The following FZR1 variants were observed in gnomAD, a reference collection of about 807,000 sequenced individuals.
The protein encoded by FZR1 is fizzy-related protein homolog.
FZR1 carries 11 observed loss-of-function variants against 63.6 expected under a neutral mutation model. The ratio of observed to expected loss-of-function variants is 0.17; its 90% CI spans 0.11 to 0.29. The LOEUF is 0.29. Among genes scored for constraint, FZR1 ranks in the 10% least tolerant of loss-of-function variants. The pLI is 1.00. For synonymous variants in FZR1, 328 were observed against 297.9 expected (o/e 1.10, Z -1.04); for missense variants, 440 against 687.5 (o/e 0.64, Z 4.03).
intron 1 of FZR1, among the ~76,000 whole-genome samples, chr19:3,509,652 C>A (rs1425073671): frequency 6.6e-6 from 1 of 152,222 alleles, no homozygotes; most frequent in Non-Finnish European, 1.5e-5. Context: ...GTCTCCCCTG[C>A]CTCTGTGGCT....
rs1405651533 is a variant in FZR1, at chr19:3,537,722, G to A, written c.*2886G>A. ...GCTCTTGCGCGGTGCCTGAGAAGAG[G>A]GTGAAGGAGCTGGGGCAGGCCCCAT... On this transcript the variant is annotated 3_prime_UTR_variant, in exon 14 of 14. Coordinates refer to ENST00000441788, the MANE Select transcript of FZR1 (RefSeq NM_016263.4). 1.3e-5 allele frequency: 2 copies of A among 152,874 alleles called. No individual in the cohort carries two copies. Among genetic ancestry groups the A allele is most frequent in the East Asian group, 1.9e-4 (1 of 5,176 alleles). 9.5% of individuals were successfully genotyped at this position (152,874 alleles called of 1,614,324 possible).
In FZR1 at chr19:3,516,427, G is replaced by A. The variant is rs1362112803; in HGVS notation, c.-34-6529G>A. On this transcript the variant is annotated intron_variant, in intron 1 of 13. Coordinates refer to ENST00000441788, the MANE Select transcript of FZR1 (RefSeq NM_016263.4). The surrounding 1 kb of genome is among the most constrained non-coding windows in gnomAD (Gnocchi z 6.0). ...TGTGTTGGTGGTGTGTCTGCCCTGC[G>A]GACTCCCAATTTTCCCGGTGTTGAA... 6.6e-6 allele frequency among the ~76,000 whole-genome samples: 1 copy of A among 152,178 alleles called. No individual in the cohort carries two copies. Among genetic ancestry groups the A allele is most frequent in the Non-Finnish European group, 1.5e-5 (1 of 68,046 alleles).
Position 3,528,780 on chromosome 19 carries a change from T to A in FZR1, c.654+966T>A, listed in dbSNP as rs113136719. 8.0e-5 allele frequency among the ~76,000 whole-genome samples: 8 copies of A among 99,672 alleles called. 1 individual carries two copies. The highest frequency in any genetic ancestry group is 2.4e-4 in the African/African-American group (5 of 20,588). The allele number at this position is 99,672 out of a possible 152,430, so 65.4% of individuals were successfully genotyped here. A position where few individuals can be genotyped will look rare whatever the true frequency, so the allele number is the denominator to read the frequency against. On this transcript the variant is annotated intron_variant, in intron 7 of 13. Transcript: ENST00000441788. ...GTGTGTGGATGGGTGCGTGGATGGG[T>A]GCGTGGATGGGAGAGTGGATGGGTA...
chr19:3,531,634 C>A, intron 8 of FZR1, 80 bp from the exon 9 acceptor site: 1 of 962,798 alleles, frequency 1.0e-6, no homozygotes, highest in Non-Finnish European at 1.6e-6. Flanking sequence ...AGGAGAGAGC[C>A]TGGCGCGACC....
In FZR1 at chr19:3,525,432, CTTTTTT is replaced by C. The variant is rs57486013; in HGVS notation, c.70-413_70-408del. On this transcript the variant is annotated intron_variant, in intron 2 of 13. Transcript: ENST00000441788. This position sits in a 1 kb window ranked among gnomAD's most constrained non-coding sequence, Gnocchi z 4.2. ...TGTGTGGCTCCCCTCCTTGGGTTTT[CTTTTTT>C]TTTTTTTTTTTTTTTTTTTTTTGAG... 2.6e-4 allele frequency among the ~76,000 whole-genome samples: 18 copies of C among 68,742 alleles called. No individual in the cohort carries two copies. Among genetic ancestry groups the C allele is most frequent in the East Asian group, 1.9e-3 (4 of 2,158 alleles). 45.1% of individuals were successfully genotyped at this position (68,742 alleles called of 152,430 possible).
At chr19:3,527,545 T>TGGCAGGGAA in intron 6 of FZR1, 86 bp from the exon 7 acceptor site, 1 of 1,080,514 alleles carries the variant, frequency 9.3e-7, no homozygotes, top group Non-Finnish European at 1.3e-6. Flanking sequence ...CTCCTGGGGC[T>TGGCAGGGAA]GGCAGGGAAG....
chr19:3,514,047 G>C lies in FZR1; in HGVS notation c.-35+7573G>C, dbSNP rs114106794. On this transcript the variant is annotated intron_variant, in intron 1 of 13. Transcript: ENST00000441788. This position sits in a 1 kb window ranked among gnomAD's most constrained non-coding sequence, Gnocchi z 4.2. ...CTTGGCTGAGCCTCCAGGAACCAGA[G>C]TGCTGTGTTCCTGAGGAAGATCCCG... Among the ~76,000 whole-genome samples, 13 of 152,206 alleles carry C rather than the reference G, an allele frequency of 8.5e-5. No homozygotes were observed. Among genetic ancestry groups the C allele is most frequent in the Non-Finnish European group, 1.6e-4 (11 of 68,028 alleles).
At position 3,525,701 on chromosome 19, in the gene FZR1, C is replaced by CA. The variant is rs940031162; in HGVS notation, c.70-164dup. Among the ~76,000 whole-genome samples, 3 of 152,268 alleles carry CA rather than the reference C, an allele frequency of 2.0e-5. No homozygotes were observed. The highest frequency in any genetic ancestry group is 6.5e-5 in the Admixed American group (1 of 15,304). ...TCGTGATCCGCCCGCCTCGGCCTCCCAAAGTGCTGGGATTACGGGCGTGAG... is the reference window on the plus strand; with the variant it reads ...TCGTGATCCGCCCGCCTCGGCCTCCCAAAAGTGCTGGGATTACGGGCGTGAG... On this transcript the variant is annotated intron_variant, in intron 2 of 13. Coordinates refer to ENST00000441788, the MANE Select transcript of FZR1 (RefSeq NM_016263.4). This position sits in a 1 kb window ranked among gnomAD's most constrained non-coding sequence, Gnocchi z 4.2.
chr19:3,508,200 C>CTTTTTTTTTT (rs71166908), intron 1 of FZR1, among the ~76,000 whole-genome samples: 1 of 91,116 alleles, frequency 1.1e-5, no homozygotes, highest in Non-Finnish European at 2.0e-5. Flanking sequence ...CATTGATTTT[C>CTTTTTTTTTT]TTTTTTTTTT....
chr19:3,526,029 G>A lies in FZR1; in HGVS notation c.195+36G>A, dbSNP rs1021997679. 1.9e-5 allele frequency: 30 copies of A among 1,610,908 alleles called. No individual in the cohort carries two copies. Among genetic ancestry groups the A allele is most frequent in the African/African-American group, 2.7e-5 (2 of 74,906 alleles). ...GGCTGGGCAGGAGATGGGACCCCCC[G>A]GGAAGCCCAGGGCCCCTCCCAGCCT... On this transcript the variant is annotated intron_variant, in intron 3 of 13. Coordinates refer to ENST00000441788, the MANE Select transcript of FZR1 (RefSeq NM_016263.4). This position sits in a 1 kb window ranked among gnomAD's most constrained non-coding sequence, Gnocchi z 5.4.
In FZR1 at chr19:3,534,995, C is replaced by T; in HGVS notation, c.*159C>T. On this transcript the variant is annotated 3_prime_UTR_variant, in exon 14 of 14. Coordinates refer to ENST00000441788, the MANE Select transcript of FZR1 (RefSeq NM_016263.4). ...GAGGATCCTGGAGTCTCATTAAATG[C>T]CTGATTGTGAACCATGTCCACCAGT... 2 of 644,394 alleles carry T rather than the reference C, an allele frequency of 3.1e-6. No individual in the cohort carries two copies. Among genetic ancestry groups the T allele is most frequent in the Non-Finnish European group, 5.6e-6 (2 of 359,098 alleles). 39.9% of individuals were successfully genotyped at this position (644,394 alleles called of 1,614,324 possible).
chr19:3,509,270 A>G (rs959534388), intron 1 of FZR1, among the ~76,000 whole-genome samples: 2 of 151,976 alleles, frequency 1.3e-5, no homozygotes, highest in African/African-American at 2.4e-5. Flanking sequence ...CAGTGTCCTC[A>G]TTCATGGATG....
rs2029978715 is a variant in FZR1 at position 3,536,581 on chromosome 19, G to C, written c.*1745G>C. On this transcript the variant is annotated 3_prime_UTR_variant, in exon 14 of 14. Coordinates refer to ENST00000441788, the MANE Select transcript of FZR1 (RefSeq NM_016263.4). Reference sequence around the variant, plus strand: ...CTGGCTCAGTGCACAACCCACAGTGGCCTTCAGAGGCTCCTCCTGGGACTG... The same window carrying C: ...CTGGCTCAGTGCACAACCCACAGTGCCCTTCAGAGGCTCCTCCTGGGACTG... 1 of 152,282 alleles carries C rather than the reference G, an allele frequency of 6.6e-6. No individual in the cohort carries two copies. 9.4% of individuals were successfully genotyped at this position (152,282 alleles called of 1,614,324 possible).
At chr19:3,507,597 A>G (rs1048768272) in intron 1 of FZR1, among the ~76,000 whole-genome samples, 2 of 151,636 alleles carry the variant, frequency 1.3e-5, no homozygotes, top group South Asian at 2.1e-4. Context: ...CCCCACCCCA[A>G]CCTATGTGCT....
At chr19:3,524,695 G>A (rs1379242429) in intron 2 of FZR1, among the ~76,000 whole-genome samples, 3 of 152,230 alleles carry the variant, frequency 2.0e-5, no homozygotes, top group East Asian at 3.9e-4. Context: ...GCAGGGCCAC[G>A]CTTCCTCTCG....
Position 3,531,849 on chromosome 19 carries a change from C to A in FZR1, c.823+33C>A, listed in dbSNP as rs760733723. The A allele has an allele frequency of 1.2e-4, 181 of 1,550,022 alleles. 3 individuals carry two copies. In the South Asian group the frequency reaches 2.1e-3, roughly 18 times the overall value. On this transcript the variant is annotated intron_variant, in intron 9 of 13. Transcript: ENST00000441788. ...GCCCGGGTCCCATGGCTGGTGAGCT[C>A]CCTGAGGCCCCAGCTCCGCGAGGGC...
chr19:3,520,830 G>A (rs2083094796), intron 1 of FZR1, among the ~76,000 whole-genome samples: 1 of 152,250 alleles, frequency 6.6e-6, no homozygotes, highest in Non-Finnish European at 1.5e-5. Flanking sequence ...GACAGGAGCA[G>A]CACCAAACCC....
chr19:3,532,665 C>T lies in FZR1; in HGVS notation c.1242+15C>T, dbSNP rs747411881. The stretch of plus-strand genomic sequence containing the variant: ...CCAACGAGCTGGTGAGCACGGGCGG[C>T]CCGGCCTCCCACCAGGCCTCAGGAT... On this transcript the variant is annotated intron_variant, in intron 11 of 13. Coordinates refer to ENST00000441788, the MANE Select transcript of FZR1 (RefSeq NM_016263.4). 4 of 1,578,634 alleles carry T rather than the reference C, an allele frequency of 2.5e-6. No homozygotes were observed. The highest frequency in any genetic ancestry group is 1.3e-5 in the African/African-American group (1 of 74,288).
rs533830729 is a variant in FZR1 at position 3,511,420 on chromosome 19, C to T, written c.-35+4946C>T. Among the ~76,000 whole-genome samples, 84 of 152,278 alleles carry T rather than the reference C, an allele frequency of 5.5e-4. 1 individual carries two copies. The highest frequency in any genetic ancestry group is 1.9e-3 in the African/African-American group (80 of 41,556). On this transcript the variant is annotated intron_variant, in intron 1 of 13. Coordinates refer to ENST00000441788, the MANE Select transcript of FZR1 (RefSeq NM_016263.4). The stretch of plus-strand genomic sequence containing the variant: ...CTGCTATTCACTCTAGACTGCCTGC[C>T]GGCTGGGTACAGAGGCTCACGCCTG...
Sources: gnomAD v4.1 joint callset for allele counts (sites outside exome capture counted in the v4.1 genomes callset) on GRCh38, gnomAD v4.1.1 for gene constraint, Gnocchi (gnomAD v3.1) non-coding constraint, MANE v1.5 for transcripts, NCBI Gene and HGNC (gene_info 2026-07-23, HGNC 2026-07-21) for gene names.